The following EPS8L3 variants were observed in gnomAD, a reference collection of about 807,000 sequenced individuals.
The protein encoded by EPS8L3 is epidermal growth factor receptor kinase substrate 8-like protein 3.
A neutral mutation model predicts 88.5 loss-of-function variants in EPS8L3; 80 were observed. The ratio of observed to expected loss-of-function variants is 0.90; its 90% CI spans 0.75 to 1.09. The LOEUF (loss-of-function observed/expected upper bound fraction) is 1.09. Among genes scored for constraint, EPS8L3 ranks in the 50% least tolerant of loss-of-function variants. The pLI, the probability that EPS8L3 is intolerant of heterozygous loss-of-function variation, is 0.00. For synonymous variants in EPS8L3, 286 were observed against 291.0 expected (o/e 0.98, Z 0.18); for missense variants, 721 against 735.2 (o/e 0.98, Z 0.22).
Position 109,750,199 on chromosome 1 carries a change from C to G in EPS8L3, c.*192G>C, listed in dbSNP as rs1649652815. ...AATAAATAGGTGGTTACTGGGGAGG[C>G]TCCAACACAGCCAGAAGGGACACTG... On this transcript the variant is annotated 3_prime_UTR_variant, in exon 19 of 19. Coordinates refer to ENST00000361965, the MANE Select transcript of EPS8L3 (RefSeq NM_133181.4). 1.5e-6 allele frequency: 1 copy of G among 655,370 alleles called. No individual in the cohort carries two copies. Among genetic ancestry groups the G allele is most frequent in the African/African-American group, 1.8e-5 (1 of 54,852 alleles). 40.6% of individuals were successfully genotyped at this position (655,370 alleles called of 1,614,324 possible).
rs780697777 is a variant in EPS8L3 at position 109,751,329 on chromosome 1, G to A, written c.1586C>T (p.Ser529Leu). Residue 529 changes from serine (S) to leucine (L), a missense_variant, in exon 17 of 19, where the codon TCG becomes TTG. By Grantham distance (145) the Ser-to-Leu change is moderately radical. Coordinates refer to ENST00000361965, the MANE Select transcript of EPS8L3 (RefSeq NM_133181.4). Reference protein sequence around the residue: ...PSRVPMLRLSSRPEEVTDWLQ... With the variant: ...PSRVPMLRLSLRPEEVTDWLQ... ...CCAGTCTGTGACCTCTTCAGGCCTC[G>A]AGCTAAGTCGAAGCATTGGAACCTA... 1.9e-6 allele frequency: 3 copies of A among 1,613,786 alleles called. No individual in the cohort carries two copies. Among genetic ancestry groups the A allele is most frequent in the Non-Finnish European group, 1.7e-6 (2 of 1,179,972 alleles).
At chr1:109,751,474 G>A (rs1278192593) in intron 16 of EPS8L3, 123 bp from the exon 17 acceptor site, 5 of 1,355,292 alleles carry the variant, frequency 3.7e-6, no homozygotes, top group Non-Finnish European at 5.1e-6. Context: ...TGGCTTTCTG[G>A]TCTGGCAGGG....
In EPS8L3 at chr1:109,751,277, C is replaced by G. The variant is rs762268782; in HGVS notation, c.1637+1G>C. The G allele has an allele frequency of 2.5e-6, 4 of 1,613,434 alleles. No homozygotes were observed. The highest frequency in any genetic ancestry group is 3.3e-5 in the Admixed American group (2 of 59,966). On this transcript the variant is annotated splice_donor_variant, in intron 17 of 18. Coordinates refer to ENST00000361965, the MANE Select transcript of EPS8L3 (RefSeq NM_133181.4). LOFTEE classifies it high-confidence loss of function. Reference sequence around the variant, plus strand: ...CATATCCTGTAGGGCCAGGCACTCACGCAGTGGAGAAGTTCTCTGCCTGCA... The same window carrying G: ...CATATCCTGTAGGGCCAGGCACTCAGGCAGTGGAGAAGTTCTCTGCCTGCA...
At position 109,757,570 on chromosome 1, in the gene EPS8L3, C is replaced by A; in HGVS notation, c.895-15G>T. On this transcript the variant is annotated splice_polypyrimidine_tract_variant and intron_variant, in intron 10 of 18. Coordinates refer to ENST00000361965, the MANE Select transcript of EPS8L3 (RefSeq NM_133181.4). ...GCCAGCCTTCCCTGGGGACACAGAGCAATGCCTGTCACCACCCTTCACCCC... is the reference window on the plus strand; with the variant it reads ...GCCAGCCTTCCCTGGGGACACAGAGAAATGCCTGTCACCACCCTTCACCCC... The A allele has an allele frequency of 4.4e-6, 7 of 1,607,928 alleles. No homozygotes were observed. Among genetic ancestry groups the A allele is most frequent in the Non-Finnish European group, 6.0e-6 (7 of 1,174,970 alleles).
rs753148902 is a variant in EPS8L3 at position 109,759,368 on chromosome 1, C to T, written c.275G>A (p.Arg92His). Residue 92 changes from arginine to histidine, a missense_variant, in exon 5 of 19, where the codon CGC becomes CAC. Arg to His is a conservative substitution (Grantham distance 29, BLOSUM62 0). Transcript: ENST00000361965. This position sits in a 1 kb window ranked among gnomAD's most constrained non-coding sequence, Gnocchi z 4.2. ...ATTCATGGCCTGGATGCTGTCTAGG[C>T]GGTAAGAGTCCAGCTCCTCCTGGGC... ...IETKEELDSY[R>H]LDSIQAMNVA... 43 of 1,613,866 alleles carry T rather than the reference C, an allele frequency of 2.7e-5. No individual in the cohort carries two copies. Among genetic ancestry groups the T allele is most frequent in the East Asian group, 1.1e-4 (5 of 44,886 alleles).
intron 3 of EPS8L3, 168 bp from the exon 4 acceptor site, chr1:109,760,004 C>T (rs148923252): frequency 7.2e-5 from 49 of 681,426 alleles, no homozygotes; most frequent in Middle Eastern, 7.0e-4. Context: ...ATGTGAGGGA[C>T]GGTGTCGAAG....
chr1:109,753,031 T>G, intron 13 of EPS8L3, 86 bp downstream of exon 13: 1 of 1,224,508 alleles, frequency 8.2e-7, no homozygotes, highest in Non-Finnish European at 1.2e-6. Context: ...GTCACACTAG[T>G]TGTGTGACCA....
chr1:109,759,159 G>A lies in EPS8L3; in HGVS notation c.406-42C>T, dbSNP rs1650633827. On this transcript the variant is annotated intron_variant, in intron 5 of 18. Coordinates refer to ENST00000361965, the MANE Select transcript of EPS8L3 (RefSeq NM_133181.4). The surrounding 1 kb of genome is among the most constrained non-coding windows in gnomAD (Gnocchi z 4.2). ...AGGCAGGCTAAGTGTGTGTGTGTGT[G>A]TGTGTGTGTGTGTGTGTGTGTGTGG... 3 of 1,600,624 alleles carry A rather than the reference G, an allele frequency of 1.9e-6. No homozygotes were observed. The highest frequency in any genetic ancestry group is 2.7e-5 in the African/African-American group (2 of 74,412).
chr1:109,750,276 G>T lies in EPS8L3; in HGVS notation c.*115C>A. ...TTGTTTTTGCTGTGTGAGCTGGGGTGTGGGGTTTGCTGCAAACTGGGATCC... is the reference window on the plus strand; with the variant it reads ...TTGTTTTTGCTGTGTGAGCTGGGGTTTGGGGTTTGCTGCAAACTGGGATCC... On this transcript the variant is annotated 3_prime_UTR_variant, in exon 19 of 19. Coordinates refer to ENST00000361965, the MANE Select transcript of EPS8L3 (RefSeq NM_133181.4). 1.6e-6 allele frequency: 2 copies of T among 1,281,090 alleles called. No individual in the cohort carries two copies. The highest frequency in any genetic ancestry group is 2.2e-6 in the Non-Finnish European group (2 of 899,702). The allele number at this position is 1,281,090 out of a possible 1,614,324, so 79.4% of individuals were successfully genotyped here.
rs375211281 is a variant in EPS8L3, at chr1:109,750,406, A to G, written c.1771-4T>C. ...AAGCTGGTGCCTAAGGGCTTATCTG[A>G]GGAAAGACAAAGATTCAGATGAGGC... On this transcript the variant is annotated splice_polypyrimidine_tract_variant and splice_region_variant and intron_variant, in intron 18 of 18. Transcript: ENST00000361965. The G allele has an allele frequency of 1.4e-4, 219 of 1,613,582 alleles. No individual in the cohort carries two copies. The highest frequency in any genetic ancestry group is 1.8e-4 in the Non-Finnish European group (216 of 1,179,842).
chr1:109,755,097 C>T (rs906366771), intron 12 of EPS8L3, among the ~76,000 whole-genome samples: 7 of 152,128 alleles, frequency 4.6e-5, no homozygotes, highest in African/African-American at 1.2e-4. Context: ...ATGAATGAAT[C>T]GTGAAGACAT....
chr1:109,759,144 AGTGTGTGTGT>A lies in EPS8L3; in HGVS notation c.406-37_406-28del, dbSNP rs3220009. The A allele has an allele frequency of 0.011, 15,998 of 1,475,008 alleles. 20 individuals are homozygous for A. Among genetic ancestry groups the A allele is most frequent in the African/African-American group, 0.042 (2,932 of 70,158 alleles). The allele number at this position is 1,475,008 out of a possible 1,614,324, so 91.4% of individuals were successfully genotyped here. On this transcript the variant is annotated intron_variant, in intron 5 of 18. Transcript: ENST00000361965. The surrounding 1 kb of genome is among the most constrained non-coding windows in gnomAD (Gnocchi z 4.2). ...TGGGAAGCAGCAGTCAGGCAGGCTA[AGTGTGTGTGT>A]GTGTGTGTGTGTGTGTGTGTGTGTG...
At position 109,750,827 on chromosome 1, in the gene EPS8L3, G is replaced by T. The variant is rs1649723054; in HGVS notation, c.1638-35C>A. ...AAACAGCAAAAGCCATCCGTGGTGG[G>T]CTGGAAGGACCCTGGGCCTGAGCGT... On this transcript the variant is annotated intron_variant, in intron 17 of 18. Transcript: ENST00000361965. 3 of 1,613,036 alleles carry T rather than the reference G, an allele frequency of 1.9e-6. No individual in the cohort carries two copies. In the South Asian group the frequency reaches 3.3e-5, roughly 18 times the overall value.
intron 12 of EPS8L3, 87 bp from the exon 13 acceptor site, chr1:109,753,285 G>A: frequency 1.8e-6 from 2 of 1,086,448 alleles, no homozygotes; most frequent in Non-Finnish European, 2.7e-6. Flanking sequence ...GGGACGACAG[G>A]GCCTAGCCTC....
At chr1:109,761,585 G>A in intron 2 of EPS8L3, 26 bp from the exon 3 acceptor site, 1 of 1,613,158 alleles carries the variant, frequency 6.2e-7, no homozygotes, top group Non-Finnish European at 8.5e-7. Flanking sequence ...GCAAGGGGCG[G>A]GAGGTGGGCA....
chr1:109,750,513 G>A lies in EPS8L3; in HGVS notation c.1771-111C>T, dbSNP rs1487906699. On this transcript the variant is annotated intron_variant, in intron 18 of 18. Transcript: ENST00000361965. ...GGTAAGCCTGAATGCATGAAGCTAA[G>A]CCCCTGGGGGAATATCCTGTGCCCA... 4 of 1,577,410 alleles carry A rather than the reference G, an allele frequency of 2.5e-6. No individual in the cohort carries two copies. In the East Asian group the frequency reaches 9.1e-5, roughly 36 times the overall value.
At chr1:109,756,655 C>T (rs1392236801) in intron 12 of EPS8L3, among the ~76,000 whole-genome samples, 1 of 152,204 alleles carries the variant, frequency 6.6e-6, no homozygotes, top group Non-Finnish European at 1.5e-5. Context: ...TTTGCAGCAT[C>T]TCTTACGTCA....
intron 3 of EPS8L3, among the ~76,000 whole-genome samples, chr1:109,760,143 G>A (rs996611523): frequency 2.0e-5 from 3 of 152,098 alleles, no homozygotes; most frequent in African/African-American, 7.2e-5. Context: ...GGTGGTGGAG[G>A]ATGTGGGCTC....
chr1:109,758,209 C>A, intron 8 of EPS8L3, 107 bp downstream of exon 8: 2 of 1,313,022 alleles, frequency 1.5e-6, no homozygotes, highest in South Asian at 2.6e-5. Context: ...TGGCCCAGGC[C>A]CTGGCCATCC....
Sources: allele counts gnomAD v4.1 joint callset (sites outside exome capture counted in the v4.1 genomes callset), GRCh38; gene constraint gnomAD v4.1.1; non-coding constraint Gnocchi (gnomAD v3.1); transcripts MANE v1.5; gene names NCBI Gene and HGNC (gene_info 2026-07-23, HGNC 2026-07-21).